Variants in KNL1 observed in about 807,000 individuals in gnomAD.
KNL1 encodes kinetochore scaffold 1, also known as outer kinetochore KNL1 complex subunit KNL1.
KNL1 carries 66 observed loss-of-function variants against 201.3 expected under a neutral mutation model. That is an observed-to-expected ratio of 0.33 (90% CI 0.27 to 0.40). The LOEUF is 0.40. KNL1 is among the 10% of genes least tolerant of loss of function. The pLI, the probability that KNL1 is intolerant of heterozygous loss-of-function variation, is 1.00. For missense variants in KNL1, 2,815 were observed against 2,690.5 expected, an observed-to-expected ratio of 1.05 and a Z score of -1.02; for synonymous variants, 895 against 899.2, an observed-to-expected ratio of 1.00 and a Z score of 0.08.
Position 40,625,057 on chromosome 15 carries a change from A to G in KNL1, c.4793A>G (p.His1598Arg), listed in dbSNP as rs1567010630. The G allele has an allele frequency of 2.5e-6, 4 of 1,613,932 alleles. No homozygotes were observed. The highest frequency in any genetic ancestry group is 2.5e-6 in the Non-Finnish European group (3 of 1,179,884). ...GGAAATAAGGCACACAATGATATGC[A>G]TATAGTGCAAGCTACAGAAATACAT... is the stretch of plus-strand genomic sequence containing the variant. ...ELGNKAHNDM[H>R]IVQATEIHNI... Residue 1598 changes from histidine (H) to arginine (R), a missense_variant, in exon 10 of 26, where the codon CAT (histidine) becomes CGT (arginine). His to Arg is a conservative substitution (Grantham distance 29). Transcript: ENST00000399668.
chr15:40,595,001 C>T (rs1169068007), intron 1 of KNL1, among the ~76,000 whole-genome samples: 1 of 152,178 alleles, frequency 6.6e-6, no homozygotes, highest in East Asian at 1.9e-4. Context: ...GATTTAAGCC[C>T]TTATTCTTCA....
Position 40,650,383 on chromosome 15 carries a change from T to A in KNL1, c.6172+5T>A. 1 of 1,608,302 alleles carries A rather than the reference T, an allele frequency of 6.2e-7. No individual in the cohort carries two copies. The highest frequency in any genetic ancestry group is 8.5e-7 in the Non-Finnish European group (1 of 1,174,938). ...AAATGAGAGCTGCAGAAAAAGGTAA[T>A]TGAATTAGTTAAGGAGATAAATGGG... is the stretch of plus-strand genomic sequence containing the variant. On this transcript the variant is annotated splice_donor_5th_base_variant and intron_variant, in intron 18 of 25. Coordinates refer to ENST00000399668, the MANE Select transcript of KNL1 (RefSeq NM_144508.5).
Position 40,655,036 on chromosome 15 carries a change from G to T in KNL1, c.6484+59G>T. On this transcript the variant is annotated intron_variant, in intron 22 of 25. Coordinates refer to ENST00000399668, the MANE Select transcript of KNL1 (RefSeq NM_144508.5). Reference sequence around the variant, plus strand: ...GTTGGGGCTGGGCACTATGGCTCATGCCTTTAATCCCAGCACTTTGGGAGG... The same window carrying T: ...GTTGGGGCTGGGCACTATGGCTCATTCCTTTAATCCCAGCACTTTGGGAGG... 3.0e-6 allele frequency: 4 copies of T among 1,335,888 alleles called. No individual in the cohort carries two copies. The South Asian group carries it at 4.7e-5, about 16-fold the overall frequency. 82.8% of individuals were successfully genotyped at this position (1,335,888 alleles called of 1,614,324 possible). A position where few individuals can be genotyped will look rare whatever the true frequency, so the allele number is the denominator to read the frequency against.
rs115127855 is a variant in KNL1 at position 40,608,606 on chromosome 15, G to T, written c.136-241G>T. Among the ~76,000 whole-genome samples, 1,941 of 151,920 alleles carry T rather than the reference G, an allele frequency of 0.013. 41 individuals carry two copies. Among genetic ancestry groups the T allele is most frequent in the African/African-American group, 0.044 (1,838 of 41,426 alleles). On this transcript the variant is annotated intron_variant, in intron 4 of 25. Transcript: ENST00000399668. ...ACTAAAAATACAGAATTAGTTGGTC[G>T]TGGTGACGTATGCCTGTAATCCCAG... is the stretch of plus-strand genomic sequence containing the variant.
chr15:40,661,778 C>G (rs1398452615), intron 25 of KNL1, among the ~76,000 whole-genome samples: 1 of 151,856 alleles, frequency 6.6e-6, no homozygotes, highest in East Asian at 2.0e-4. Flanking sequence ...CGCGGTGGCT[C>G]ACGCCTGTAA....
At chr15:40,631,517 G>A (rs550380255) in intron 13 of KNL1, among the ~76,000 whole-genome samples, 20 of 152,154 alleles carry the variant, frequency 1.3e-4, no homozygotes, top group Admixed American at 7.2e-4. Flanking sequence ...ATCTTGCTAT[G>A]TTGCCCAGAC....
At chr15:40,655,809 G>T (rs1454781763) in intron 22 of KNL1, among the ~76,000 whole-genome samples, 1 of 148,870 alleles carries the variant, frequency 6.7e-6, no homozygotes, top group Non-Finnish European at 1.5e-5. Flanking sequence ...CCAGCTACTT[G>T]GGAGGCTGAG....
intron 1 of KNL1, among the ~76,000 whole-genome samples, chr15:40,597,000 C>CCA (rs1891639087): frequency 1.1e-5 from 1 of 90,544 alleles, no homozygotes; most frequent in African/African-American, 4.3e-5. Flanking sequence ...AACTCCATCT[C>CCA]AAAAAAAAAA....
chr15:40,624,947 G>T lies in KNL1; in HGVS notation c.4683G>T (p.Leu1561=), dbSNP rs756198556. The T allele has an allele frequency of 2.9e-5, 46 of 1,613,576 alleles. No individual in the cohort carries two copies. The highest frequency in any genetic ancestry group is 3.9e-5 in the Non-Finnish European group (46 of 1,179,940). The change falls in exon 10 of 26, where the codon CTG becomes CTT. Residue 1561 remains leucine (L), a synonymous_variant. Transcript: ENST00000399668. ...VPCFHSIKPN[L]NNLNGKTGEF... is the part of the protein sequence containing the mutation. ...GTTTTCATAGTATCAAACCAAATCTGAATAATTTGAATGGAAAAACTGGAG... is the reference window on the plus strand; with the variant it reads ...GTTTTCATAGTATCAAACCAAATCTTAATAATTTGAATGGAAAAACTGGAG...
At chr15:40,634,754 G>A (rs1193395486) in intron 13 of KNL1, among the ~76,000 whole-genome samples, 2 of 152,158 alleles carry the variant, frequency 1.3e-5, no homozygotes, top group Non-Finnish European at 2.9e-5. Context: ...GAGGAGAGCA[G>A]AGGGGAAGGA....
chr15:40,620,074 A>T (rs114962808), intron 9 of KNL1, among the ~76,000 whole-genome samples: 1 of 152,270 alleles, frequency 6.6e-6, no homozygotes, highest in African/African-American at 2.4e-5. Flanking sequence ...GACAACAGGC[A>T]TGCACCACTG....
rs1387682358 is a variant in KNL1 at position 40,608,851 on chromosome 15, C to T, written c.140C>T (p.Ser47Phe). 2 of 1,606,192 alleles carry T rather than the reference C, an allele frequency of 1.2e-6. No individual in the cohort carries two copies. The highest frequency in any genetic ancestry group is 1.3e-5 in the African/African-American group (1 of 74,714). ...LRGGNERVQE[S>F]NALRNKKNSR... Reference sequence around the variant, plus strand: ...CCATATATTCTCTGCCCTTAGGAATCCAATGCTTTGAGAAATAAGAAAAAC... The same window carrying T: ...CCATATATTCTCTGCCCTTAGGAATTCAATGCTTTGAGAAATAAGAAAAAC... The change falls in exon 5 of 26, where the codon TCC (serine) becomes TTC (phenylalanine). Residue 47 changes from serine (S) to phenylalanine (F), a missense_variant. By Grantham distance (155) the Ser-to-Phe change is radical. Coordinates refer to ENST00000399668, the MANE Select transcript of KNL1 (RefSeq NM_144508.5).
intron 1 of KNL1, among the ~76,000 whole-genome samples, chr15:40,599,793 C>CT (rs55838833): frequency 1.2e-4 from 15 of 120,104 alleles, no homozygotes; most frequent in African/African-American, 4.2e-4. Flanking sequence ...TTATGTATTC[C>CT]TTTTTTTTTT....
chr15:40,603,074 C>T (rs925284870), intron 2 of KNL1, 108 bp downstream of exon 2: 15 of 706,158 alleles, frequency 2.1e-5, no homozygotes, highest in Non-Finnish European at 3.5e-5. Context: ...CATTGTGTTC[C>T]AAGAAAAAGT....
intron 20 of KNL1, 139 bp from the exon 21 acceptor site, chr15:40,651,866 A>G (rs1893575467): frequency 1.7e-6 from 1 of 582,948 alleles, no homozygotes. Flanking sequence ...CATCCACAAT[A>G]TATGAATTGA....
At chr15:40,613,030 C>T (rs369992514) in intron 7 of KNL1, among the ~76,000 whole-genome samples, 1 of 152,048 alleles carries the variant, frequency 6.6e-6, no homozygotes, top group African/African-American at 2.4e-5. Context: ...TTCACAGCAG[C>T]GTTTATTATA....
chr15:40,610,312 A>G lies in KNL1; in HGVS notation c.250+15A>G, dbSNP rs769694645. ...AGAAATGGAAGGTAAGTATGTTACTATAATTCCTGCTAAATCTGCTTTTTA... is the reference window on the plus strand; with the variant it reads ...AGAAATGGAAGGTAAGTATGTTACTGTAATTCCTGCTAAATCTGCTTTTTA... On this transcript the variant is annotated intron_variant, in intron 6 of 25. Transcript: ENST00000399668. 8.0e-6 allele frequency: 11 copies of G among 1,379,130 alleles called. No homozygotes were observed. Among genetic ancestry groups the G allele is most frequent in the Middle Eastern group, 1.8e-4 (1 of 5,580 alleles). The allele number at this position is 1,379,130 out of a possible 1,614,324, so 85.4% of individuals were successfully genotyped here. A position where few individuals can be genotyped will look rare whatever the true frequency, so the allele number is the denominator to read the frequency against.
At chr15:40,631,093 A>C (rs1050043695) in intron 13 of KNL1, among the ~76,000 whole-genome samples, 2 of 152,144 alleles carry the variant, frequency 1.3e-5, no homozygotes, top group Non-Finnish European at 2.9e-5. Context: ...ACTCCAGCCT[A>C]GGCAACAGAG....
chr15:40,646,076 T>G (rs1338546570), intron 16 of KNL1, among the ~76,000 whole-genome samples: 1 of 152,236 alleles, frequency 6.6e-6, no homozygotes, highest in East Asian at 1.9e-4. Context: ...TAGTATTATC[T>G]TCTTCATAGT....
Sources: gnomAD v4.1 joint callset for allele counts (sites outside exome capture counted in the v4.1 genomes callset) on GRCh38, gnomAD v4.1.1 for gene constraint, MANE v1.5 for transcripts, NCBI Gene and HGNC (gene_info 2026-07-23, HGNC 2026-07-21) for gene names.